Variants in FNDC3B observed in about 807,000 individuals in gnomAD.
The protein encoded by FNDC3B is fibronectin type III domain containing 3B.
Under a neutral mutation model 151.5 loss-of-function variants are expected in FNDC3B, and 12 were observed. The observed-to-expected ratio is 0.08, with a 90% CI of 0.05 to 0.13. The LOEUF is 0.13. Ranked by LOEUF, FNDC3B falls within the 10% of genes least tolerant of loss-of-function variation. The pLI is 1.00. For missense variants in FNDC3B, 1,214 were observed against 1,505.3 expected (o/e 0.81, Z 3.20); for synonymous variants, 528 against 549.0 (o/e 0.96, Z 0.54).
intron 3 of FNDC3B, among the ~76,000 whole-genome samples, chr3:172,189,495 A>G (rs893647467): frequency 6.6e-6 from 1 of 152,218 alleles, no homozygotes; most frequent in Non-Finnish European, 1.5e-5. Context: ...ATCTAATAAT[A>G]AATGAGAGTT....
intron 23 of FNDC3B, among the ~76,000 whole-genome samples, chr3:172,367,621 G>A (rs572641108): frequency 4.3e-4 from 66 of 152,290 alleles, no homozygotes; most frequent in African/African-American, 1.4e-3. Flanking sequence ...GCACTGTGCC[G>A]ATGACTTTGA....
intron 3 of FNDC3B, among the ~76,000 whole-genome samples, chr3:172,200,548 T>C (rs990308827): frequency 6.6e-6 from 1 of 152,238 alleles, no homozygotes; most frequent in African/African-American, 2.4e-5. Context: ...TACTTTATTA[T>C]AAAATAGTGT....
intron 6 of FNDC3B, among the ~76,000 whole-genome samples, chr3:172,267,686 A>G (rs761760862): frequency 4.6e-5 from 7 of 152,220 alleles, no homozygotes; most frequent in Non-Finnish European, 8.8e-5. Context: ...AAATGAACCT[A>G]TCTGATTTGG....
At chr3:172,074,675 A>G (rs1717925045) in intron 1 of FNDC3B, among the ~76,000 whole-genome samples, 2 of 152,168 alleles carry the variant, frequency 1.3e-5, no homozygotes, top group Admixed American at 1.3e-4. Flanking sequence ...AAATAAGGTA[A>G]TTTAAGCCTG....
intron 7 of FNDC3B, among the ~76,000 whole-genome samples, chr3:172,288,021 T>C (rs1413657044): frequency 6.6e-6 from 1 of 152,224 alleles, no homozygotes; most frequent in East Asian, 1.9e-4. Flanking sequence ...TCGCAGAGAA[T>C]TGGCTTCTCA....
At chr3:172,383,885 TA>T (rs1735575233) in intron 25 of FNDC3B, among the ~76,000 whole-genome samples, 1 of 152,220 alleles carries the variant, frequency 6.6e-6, no homozygotes, top group Admixed American at 6.5e-5. Context: ...GATATAATAT[TA>T]TGTATTCCAT....
intron 9 of FNDC3B, among the ~76,000 whole-genome samples, chr3:172,303,264 A>G (rs2063902993): frequency 6.6e-6 from 1 of 152,206 alleles, no homozygotes; most frequent in African/African-American, 2.4e-5. Flanking sequence ...TGGAATGGAT[A>G]GCAATTTCAT....
At chr3:172,254,886 A>C (rs1427323747) in intron 6 of FNDC3B, among the ~76,000 whole-genome samples, 1 of 152,102 alleles carries the variant, frequency 6.6e-6, no homozygotes, top group Non-Finnish European at 1.5e-5. Flanking sequence ...ATTTCCTTTT[A>C]GTTTTCCCTG....
chr3:172,229,116 C>G (rs1726749517), intron 4 of FNDC3B, among the ~76,000 whole-genome samples: 1 of 151,084 alleles, frequency 6.6e-6, no homozygotes, highest in African/African-American at 2.4e-5. Context: ...CACACACACA[C>G]ACACACACAC....
rs143064249 is a variant in FNDC3B, at chr3:172,352,878, G to A, written c.2590G>A (p.Val864Ile). 1.5e-3 allele frequency: 2,387 copies of A among 1,614,148 alleles called. 9 individuals carry two copies. The highest frequency in any genetic ancestry group is 7.3e-3 in the Middle Eastern group (44 of 6,062). The change falls in exon 22 of 26, where the codon GTC becomes ATC. Residue 864 changes from valine to isoleucine, a missense_variant. By Grantham distance (29) the Val-to-Ile change is conservative (BLOSUM62 3). Transcript: ENST00000415807. The surrounding 1 kb of genome is among the most constrained non-coding windows in gnomAD (Gnocchi z 4.2). Reference sequence around the variant, plus strand: ...GACGCCAGCGTCTGCCCCTGACCCCGTCTCCACTCTCTGTGTCCTGGAGGA... The same window carrying A: ...GACGCCAGCGTCTGCCCCTGACCCCATCTCCACTCTCTGTGTCCTGGAGGA... The part of the protein sequence containing the change: ...CQTPASAPDP[V>I]STLCVLEEEP...
chr3:172,371,389 C>G (rs568827929), intron 23 of FNDC3B, among the ~76,000 whole-genome samples: 1 of 152,252 alleles, frequency 6.6e-6, no homozygotes, highest in East Asian at 1.9e-4. Context: ...AGATATGGAA[C>G]CTAGGGATAT....
At chr3:172,245,574 G>T (rs1727735142) in intron 4 of FNDC3B, among the ~76,000 whole-genome samples, 2 of 152,058 alleles carry the variant, frequency 1.3e-5, no homozygotes, top group Admixed American at 1.3e-4. Context: ...TACTACATGT[G>T]CTATTTATAT....
chr3:172,271,801 T>C (rs1183406625), intron 6 of FNDC3B, among the ~76,000 whole-genome samples: 26 of 152,242 alleles, frequency 1.7e-4, no homozygotes. Flanking sequence ...TTGAGAATTA[T>C]TGCTGGAGAC....
intron 3 of FNDC3B, among the ~76,000 whole-genome samples, chr3:172,216,060 C>T (rs569594936): frequency 2.6e-5 from 4 of 152,160 alleles, no homozygotes; most frequent in African/African-American, 9.6e-5. Flanking sequence ...GAGGGCGTCT[C>T]GGATGCCCTT....
At chr3:172,116,691 G>A (rs1286986641) in intron 2 of FNDC3B, among the ~76,000 whole-genome samples, 3 of 151,934 alleles carry the variant, frequency 2.0e-5, no homozygotes, top group Non-Finnish European at 4.4e-5. Flanking sequence ...TCAGCCTTCC[G>A]AGTAGCTGGG....
intron 1 of FNDC3B, among the ~76,000 whole-genome samples, chr3:172,068,426 T>TG (rs1223350782): frequency 6.7e-6 from 1 of 148,768 alleles, no homozygotes; most frequent in Non-Finnish European, 1.5e-5. Context: ...GAGGAGCCTT[T>TG]TTTTTTTTTT....
In FNDC3B at chr3:172,085,378, T is replaced by C. The variant is rs558219261; in HGVS notation, c.-28-27074T>C. Among the ~76,000 whole-genome samples, 197 of 152,314 alleles carry C rather than the reference T, an allele frequency of 1.3e-3. 7 individuals carry two copies. The South Asian group carries it at 0.04, about 31-fold the overall frequency. On this transcript the variant is annotated intron_variant, in intron 1 of 25. Coordinates refer to ENST00000415807, the MANE Select transcript of FNDC3B (RefSeq NM_022763.4). The stretch of plus-strand genomic sequence containing the variant: ...TGACAACATGGCCTGCATTCCTATA[T>C]GGTTAGTGAAGGTCTTGAACTAAAT...
At chr3:172,255,564 C>G (rs911024124) in intron 6 of FNDC3B, among the ~76,000 whole-genome samples, 2 of 152,206 alleles carry the variant, frequency 1.3e-5, no homozygotes, top group African/African-American at 4.8e-5. Context: ...GCCACTGCGT[C>G]TGGCAAATTT....
intron 3 of FNDC3B, among the ~76,000 whole-genome samples, chr3:172,161,287 T>G (rs1434790999): frequency 6.6e-6 from 1 of 152,216 alleles, no homozygotes; most frequent in African/African-American, 2.4e-5. Flanking sequence ...TCTCTACATA[T>G]GAAGTCAAGA....
Sources: gnomAD v4.1 joint callset for allele counts (sites outside exome capture counted in the v4.1 genomes callset) on GRCh38, gnomAD v4.1.1 for gene constraint, Gnocchi (gnomAD v3.1) non-coding constraint, MANE v1.5 for transcripts, NCBI Gene and HGNC (gene_info 2026-07-23, HGNC 2026-07-21) for gene names.